SLC5A2: variants seen among roughly 807,000 people sequenced by gnomAD.
The protein encoded by SLC5A2 is solute carrier family 5 member 2.
In SLC5A2, 67 loss-of-function variants were observed where a neutral mutation model predicts 69.0. The observed-to-expected ratio is 0.97, with a 90% CI of 0.80 to 1.19. SLC5A2 has a LOEUF of 1.19. SLC5A2 is among the 50% of genes most tolerant of loss of function. The pLI, the probability that SLC5A2 is intolerant of heterozygous loss-of-function variation, is 0.00. For synonymous variants in SLC5A2, 455 were observed against 395.8 expected (o/e 1.15, Z -1.78); for missense variants, 1,001 against 921.5 (o/e 1.09, Z -1.12).
rs2082535620 is a variant in SLC5A2 at position 31,489,251 on chromosome 16, C to A, written c.1578C>A (p.Tyr526Ter). 6.2e-7 allele frequency: 1 copy of A among 1,610,822 alleles called. No individual in the cohort carries two copies. Residue 526 changes from tyrosine to a stop codon, truncating the protein, a stop_gained, in exon 12 of 14, where the codon TAC (tyrosine) becomes TAA (stop). Coordinates refer to ENST00000330498, the MANE Select transcript of SLC5A2 (RefSeq NM_003041.4). LOFTEE classifies it high-confidence loss of function. ...ACPAFLCGVH[Y>*]LYFAIVLFFC... ...CAGCTTTCCTCTGCGGCGTGCACTA[C>A]CTCTACTTCGCCATTGTGCTGTTCT...
Position 31,490,766 on chromosome 16 carries a change from T to C in SLC5A2, c.*231T>C. 1 of 1,541,448 alleles carries C rather than the reference T, an allele frequency of 6.5e-7. No individual in the cohort carries two copies. Among genetic ancestry groups the C allele is most frequent in the South Asian group, 1.1e-5 (1 of 89,516 alleles). ...AGGAAAAATAAAGCTGCCTTTCCCCTGTCCTGCTGTGGCCAAAGTGTCCTT... is the reference window on the plus strand; with the variant it reads ...AGGAAAAATAAAGCTGCCTTTCCCCCGTCCTGCTGTGGCCAAAGTGTCCTT... On this transcript the variant is annotated 3_prime_UTR_variant, in exon 14 of 14. Coordinates refer to ENST00000330498, the MANE Select transcript of SLC5A2 (RefSeq NM_003041.4).
At chr16:31,485,419 CT>C in intron 3 of SLC5A2, 1 of 498,892 alleles carries the variant, frequency 2.0e-6, no homozygotes, top group East Asian at 3.8e-5. Context: ...GTTTGGGTGG[CT>C]TTGGCTCAGG....
intron 1 of SLC5A2, 60 bp from the exon 2 acceptor site, chr16:31,484,613 T>C: frequency 6.5e-7 from 1 of 1,528,348 alleles, no homozygotes; most frequent in Non-Finnish European, 9.0e-7. Context: ...TGTGTTGAGG[T>C]GGCTGATGAG....
chr16:31,484,956 T>C (rs1464101430), intron 3 of SLC5A2, 33 bp downstream of exon 3: 2 of 1,578,152 alleles, frequency 1.3e-6, no homozygotes, highest in Non-Finnish European at 1.7e-6. Flanking sequence ...AACCCCACCC[T>C]CAGTGAGAAC....
At position 31,484,535 on chromosome 16, in the gene SLC5A2, G is replaced by C. The variant is rs1263488771; in HGVS notation, c.127-138G>C. 8 of 889,624 alleles carry C rather than the reference G, an allele frequency of 9.0e-6. No individual in the cohort carries two copies. In the South Asian group the frequency reaches 1.1e-4, roughly 12 times the overall value. 55.1% of individuals were successfully genotyped at this position (889,624 alleles called of 1,614,324 possible). ...TGCCCTGAGTGTCTGGGAGGAGTTG[G>C]GGGTGGGAGTGCAAACGATCAGGGA... On this transcript the variant is annotated intron_variant, in intron 1 of 13. Transcript: ENST00000330498.
In SLC5A2 at chr16:31,485,724, C is replaced by T. The variant is rs771213603; in HGVS notation, c.304-5C>T. Reference sequence around the variant, plus strand: ...CACCCTCAGCGGCAGTACTGCCCCCCGTAGGCGCTCTTCGTGGTGCTGCTA... The same window carrying T: ...CACCCTCAGCGGCAGTACTGCCCCCTGTAGGCGCTCTTCGTGGTGCTGCTA... On this transcript the variant is annotated splice_polypyrimidine_tract_variant and splice_region_variant and intron_variant, in intron 3 of 13. Coordinates refer to ENST00000330498, the MANE Select transcript of SLC5A2 (RefSeq NM_003041.4). The T allele has an allele frequency of 2.3e-5, 37 of 1,612,666 alleles. No homozygotes were observed. The highest frequency in any genetic ancestry group is 1.1e-4 in the African/African-American group (8 of 74,940).
At chr16:31,483,723 C>A (rs1199504576) in intron 1 of SLC5A2, among the ~76,000 whole-genome samples, 1 of 151,872 alleles carries the variant, frequency 6.6e-6, no homozygotes, top group African/African-American at 2.4e-5. Context: ...GAAACCGTAT[C>A]TCTTTTTTAT....
At position 31,483,411 on chromosome 16, in the gene SLC5A2, A is replaced by T. The variant is rs1032880394; in HGVS notation, c.126+149A>T. The stretch of plus-strand genomic sequence containing the variant: ...GGCAAGCAGGTCTTTGGAAGTTCTC[A>T]GGGAGACCCAGCCAACATTCCTCCC... On this transcript the variant is annotated intron_variant, in intron 1 of 13. Transcript: ENST00000330498. 32 of 1,032,444 alleles carry T rather than the reference A, an allele frequency of 3.1e-5. No individual in the cohort carries two copies. The South Asian group carries it at 4.0e-4, about 13-fold the overall frequency. The allele number at this position is 1,032,444 out of a possible 1,614,324, so 64.0% of individuals were successfully genotyped here. A position where few individuals can be genotyped will look rare whatever the true frequency, so the allele number is the denominator to read the frequency against.
intron 5 of SLC5A2, 87 bp from the exon 6 acceptor site, chr16:31,487,233 T>C (rs930012066): frequency 5.4e-6 from 7 of 1,295,310 alleles, no homozygotes; most frequent in Non-Finnish European, 7.8e-6. Context: ...AGGGGAACTC[T>C]TTCAAATTCC....
chr16:31,486,117 TG>T, intron 4 of SLC5A2, 52 bp from the exon 5 acceptor site: 1 of 1,400,442 alleles, frequency 7.1e-7, no homozygotes. Flanking sequence ...GGGCAGGAGG[TG>T]GGCTGGGGAC....
intron 1 of SLC5A2, 68 bp from the exon 2 acceptor site, chr16:31,484,605 T>G: frequency 2.0e-6 from 3 of 1,482,214 alleles, no homozygotes; most frequent in Non-Finnish European, 2.8e-6. Flanking sequence ...CTGAGGAATG[T>G]GTTGAGGTGG....
At chr16:31,486,510 T>C (rs2082496922) in intron 5 of SLC5A2, among the ~76,000 whole-genome samples, 1 of 152,088 alleles carries the variant, frequency 6.6e-6, no homozygotes, top group Admixed American at 6.6e-5. Context: ...GTGAGGACTT[T>C]GAGAAAAGGA....
At position 31,488,469 on chromosome 16, in the gene SLC5A2, G is replaced by A. The variant is rs773656768; in HGVS notation, c.1108G>A (p.Val370Ile). The A allele has an allele frequency of 2.5e-6, 4 of 1,609,718 alleles. No individual in the cohort carries two copies. Among genetic ancestry groups the A allele is most frequent in the Non-Finnish European group, 3.4e-6 (4 of 1,179,094 alleles). Residue 370 changes from valine (V) to isoleucine (I), a missense_variant, in exon 9 of 14, where the codon GTC (valine) becomes ATC (isoleucine). Coordinates refer to ENST00000330498, the MANE Select transcript of SLC5A2 (RefSeq NM_003041.4). ...GCSNIAYPRL[V>I]VKLMPNGLRG... ...CTCCAACATCGCCTACCCGCGGCTC[G>A]TCGTGAAGCTCATGCCCAACGGTAA... is the stretch of plus-strand genomic sequence containing the variant.
intron 3 of SLC5A2, 82 bp downstream of exon 3, chr16:31,485,005 G>A (rs2082484828): frequency 7.8e-7 from 1 of 1,277,394 alleles, no homozygotes; most frequent in Non-Finnish European, 1.1e-6. Context: ...TCCAGGAAAG[G>A]GGGAATGAGA....
rs776716879 is a variant in SLC5A2, at chr16:31,489,275, C to A, written c.1602C>A (p.Phe534Leu). 1 of 1,610,812 alleles carries A rather than the reference C, an allele frequency of 6.2e-7. No individual in the cohort carries two copies. Among genetic ancestry groups the A allele is most frequent in the African/African-American group, 1.3e-5 (1 of 74,916 alleles). The change falls in exon 12 of 14, where the codon TTC becomes TTA. Residue 534 changes from phenylalanine (F) to leucine (L), a missense_variant. Transcript: ENST00000330498. ...ACCTCTACTTCGCCATTGTGCTGTT[C>A]TTCTGCTCTGGCCTCCTCACCCTCA... ...VHYLYFAIVLFFCSGLLTLTV... is the reference protein window; with the variant it reads ...VHYLYFAIVLLFCSGLLTLTV...
At chr16:31,488,542 G>T (rs531710025) in intron 9 of SLC5A2, 52 bp downstream of exon 9, 1 of 1,601,950 alleles carries the variant, frequency 6.2e-7, no homozygotes, top group South Asian at 1.1e-5. Flanking sequence ...GCCCGCTGCT[G>T]GGAGGGGTCG....
rs1293231101 is a variant in SLC5A2, at chr16:31,486,157, C to T, written c.469-13C>T. 6.2e-7 allele frequency: 1 copy of T among 1,604,456 alleles called. No homozygotes were observed. The highest frequency in any genetic ancestry group is 8.5e-7 in the Non-Finnish European group (1 of 1,171,384). On this transcript the variant is annotated splice_polypyrimidine_tract_variant and intron_variant, in intron 4 of 13. Transcript: ENST00000330498. ...GCCCTGGGTCCTGACCTGGCACTTGCTTCTCCCCCAAGGTGGACATGTTCT... is the reference window on the plus strand; with the variant it reads ...GCCCTGGGTCCTGACCTGGCACTTGTTTCTCCCCCAAGGTGGACATGTTCT...
rs755331390 is a variant in SLC5A2 at position 31,483,276 on chromosome 16, G to T, written c.126+14G>T. ...GTTGGCTTGTGGGTGAGAAGTTGGG[G>T]GGTGTGCTGCTGGTGGCTGCTGGCT... On this transcript the variant is annotated intron_variant, in intron 1 of 13. Coordinates refer to ENST00000330498, the MANE Select transcript of SLC5A2 (RefSeq NM_003041.4). The T allele has an allele frequency of 1.7e-5, 28 of 1,613,894 alleles. No homozygotes were observed. The highest frequency in any genetic ancestry group is 8.3e-5 in the Admixed American group (5 of 59,996).
At position 31,488,898 on chromosome 16, in the gene SLC5A2, C is replaced by G; in HGVS notation, c.1299C>G (p.Ile433Met). 3.1e-6 allele frequency: 5 copies of G among 1,605,548 alleles called. No homozygotes were observed. The highest frequency in any genetic ancestry group is 4.2e-6 in the Non-Finnish European group (5 of 1,179,854). ...LLVGRLWVVFIVVVSVAWLPV... is the reference protein window; with the variant it reads ...LLVGRLWVVFMVVVSVAWLPV... ...GCCGCAGGCTCTGGGTGGTGTTCAT[C>G]GTGGTAGTGTCGGTGGCCTGGCTTC... The change falls in exon 11 of 14, where the codon ATC (isoleucine) becomes ATG (methionine). Residue 433 changes from isoleucine (I) to methionine (M), a missense_variant. Physicochemically the swap from Ile to Met is conservative, Grantham distance 10. Transcript: ENST00000330498.
Sources: gnomAD v4.1 joint callset for allele counts (sites outside exome capture counted in the v4.1 genomes callset) on GRCh38, gnomAD v4.1.1 for gene constraint, MANE v1.5 for transcripts, NCBI Gene and HGNC (gene_info 2026-07-23, HGNC 2026-07-21) for gene names.